The following TBC1D4 variants were observed in gnomAD, a reference collection of about 807,000 sequenced individuals.
TBC1D4 encodes TBC1 domain family member 4, also known as TBC (Tre-2, BUB2, CDC16) domain-containing protein.
TBC1D4 carries 121 observed loss-of-function variants against 142.5 expected under a neutral mutation model. The observed-to-expected ratio is 0.85, with a 90% CI of 0.73 to 0.99. The LOEUF (loss-of-function observed/expected upper bound fraction) is 0.99. Among genes scored for constraint, TBC1D4 ranks in the 50% least tolerant of loss-of-function variants. TBC1D4 has a pLI of 0.00. For synonymous variants in TBC1D4, 630 were observed against 628.2 expected, an observed-to-expected ratio of 1.00 and a Z score of -0.04; for missense variants, 1,475 against 1,606.6, an observed-to-expected ratio of 0.92 and a Z score of 1.40.
intron 1 of TBC1D4, among the ~76,000 whole-genome samples, chr13:75,378,339 T>C (rs1484214312): frequency 6.6e-6 from 1 of 152,154 alleles, no homozygotes; most frequent in East Asian, 1.9e-4. Context: ...TACTCATTCT[T>C]ATGTTGCTTC....
chr13:75,420,088 T>C (rs1354950393), intron 1 of TBC1D4, among the ~76,000 whole-genome samples: 1 of 152,078 alleles, frequency 6.6e-6, no homozygotes, highest in Non-Finnish European at 1.5e-5. Flanking sequence ...AGTACCACAT[T>C]TTGGCAGAGA....
chr13:75,287,402 G>A (rs141244521), intron 20 of TBC1D4, among the ~76,000 whole-genome samples: 131 of 152,212 alleles, frequency 8.6e-4, no homozygotes, highest in African/African-American at 2.8e-3. Context: ...ACTGAAATAC[G>A]GCGTTCTCTA....
intron 1 of TBC1D4, among the ~76,000 whole-genome samples, chr13:75,478,185 T>A (rs1395508544): frequency 1.3e-5 from 2 of 152,190 alleles, no homozygotes; most frequent in Non-Finnish European, 2.9e-5. Context: ...ATTATCATTT[T>A]ATATTAGTAA....
chr13:75,421,303 GGCTT>G, intron 1 of TBC1D4, among the ~76,000 whole-genome samples: 1 of 152,060 alleles, frequency 6.6e-6, no homozygotes, highest in Non-Finnish European at 1.5e-5. Context: ...CACTGAACTT[GGCTT>G]CAGCCTCTCC....
At chr13:75,398,201 G>A (rs1037283116) in intron 1 of TBC1D4, among the ~76,000 whole-genome samples, 1 of 152,212 alleles carries the variant, frequency 6.6e-6, no homozygotes, top group Non-Finnish European at 1.5e-5. Context: ...AATTCAAATT[G>A]CAGGGTACTA....
chr13:75,354,192 A>G (rs943780104), intron 4 of TBC1D4, among the ~76,000 whole-genome samples: 5 of 152,232 alleles, frequency 3.3e-5, no homozygotes, highest in Non-Finnish European at 7.3e-5. Flanking sequence ...ATAACATCAG[A>G]TGAGGCTAGA....
chr13:75,414,544 T>A (rs1347942086), intron 1 of TBC1D4, among the ~76,000 whole-genome samples: 2 of 151,842 alleles, frequency 1.3e-5, no homozygotes, highest in Non-Finnish European at 2.9e-5. Flanking sequence ...AGGAAGAATA[T>A]GGGGGGATGT....
intron 13 of TBC1D4, among the ~76,000 whole-genome samples, chr13:75,311,130 C>T (rs1475050033): frequency 6.6e-6 from 1 of 152,174 alleles, no homozygotes; most frequent in Non-Finnish European, 1.5e-5. Context: ...ATCGCAAGAA[C>T]AAATTGGGAC....
Position 75,286,807 on chromosome 13 carries a change from T to C in TBC1D4, c.3882A>G (p.Ile1294Met), listed in dbSNP as rs902088918. The change falls in exon 21 of 21, where the codon ATA becomes ATG. Residue 1294 changes from isoleucine (I) to methionine (M), a missense_variant. Coordinates refer to ENST00000377636, the MANE Select transcript of TBC1D4 (RefSeq NM_014832.5). ...LNCNPNNKAK[I>M]GNKP ...GCCTCTTCAATTATGGCTTATTTCC[T>C]ATCTTGGCTTTGTTGTTAGGGTTGC... 2.5e-6 allele frequency: 4 copies of C among 1,613,656 alleles called. No homozygotes were observed. In the African/African-American group the frequency reaches 5.3e-5, roughly 22 times the overall value.
chr13:75,326,045 C>A lies in TBC1D4; in HGVS notation c.2033+152G>T, dbSNP rs1241643221. 6.7e-5 allele frequency: 58 copies of A among 863,502 alleles called. 1 individual carries two copies. The highest frequency in any genetic ancestry group is 9.2e-5 in the Non-Finnish European group (49 of 532,890). The allele number at this position is 863,502 out of a possible 1,614,324, so 53.5% of individuals were successfully genotyped here. On this transcript the variant is annotated intron_variant, in intron 10 of 20. Coordinates refer to ENST00000377636, the MANE Select transcript of TBC1D4 (RefSeq NM_014832.5). ...TATGCCTTAACCTTGCCTGTTTCGC[C>A]TAGTAAATGAGGTAACTTAATTTGT...
At chr13:75,391,146 CTT>C (rs1490170311) in intron 1 of TBC1D4, among the ~76,000 whole-genome samples, 1 of 146,482 alleles carries the variant, frequency 6.8e-6, no homozygotes, top group Non-Finnish European at 1.5e-5. Context: ...TCCCCTCTCT[CTT>C]CTACAACATC....
intron 14 of TBC1D4, among the ~76,000 whole-genome samples, chr13:75,307,807 C>T (rs1410495899): frequency 1.3e-5 from 2 of 152,176 alleles, no homozygotes; most frequent in East Asian, 1.9e-4. Flanking sequence ...CCACAGATGG[C>T]TTTCTAACAC....
intron 14 of TBC1D4, among the ~76,000 whole-genome samples, chr13:75,307,378 G>A (rs1013831499): frequency 4.6e-5 from 7 of 151,994 alleles, no homozygotes; most frequent in South Asian, 2.1e-4. Context: ...TAACATATCC[G>A]CCCAGAGCTC....
intron 17 of TBC1D4, among the ~76,000 whole-genome samples, chr13:75,296,717 GA>G (rs1267524817): frequency 6.6e-6 from 1 of 151,482 alleles, no homozygotes; most frequent in Non-Finnish European, 1.5e-5. Context: ...GAGAGAAGAT[GA>G]AAAAAAAGTA....
At chr13:75,433,161 C>T (rs1226707642) in intron 1 of TBC1D4, among the ~76,000 whole-genome samples, 3 of 152,138 alleles carry the variant, frequency 2.0e-5, no homozygotes, top group African/African-American at 7.2e-5. Context: ...TTCTGTCATG[C>T]CATGGTGACC....
intron 18 of TBC1D4, among the ~76,000 whole-genome samples, chr13:75,294,578 T>C (rs1875692026): frequency 6.6e-6 from 1 of 152,198 alleles, no homozygotes; most frequent in East Asian, 1.9e-4. Flanking sequence ...GTATACTCTC[T>C]GATTTTTAGG....
intron 1 of TBC1D4, among the ~76,000 whole-genome samples, chr13:75,413,192 T>A (rs1268417507): frequency 1.3e-5 from 2 of 150,346 alleles, no homozygotes; most frequent in African/African-American, 2.5e-5. Flanking sequence ...TGAGACGGAG[T>A]CTCCCTCTGT....
chr13:75,416,088 A>G (rs549941750), intron 1 of TBC1D4, among the ~76,000 whole-genome samples: 1 of 152,346 alleles, frequency 6.6e-6, no homozygotes, highest in Admixed American at 6.5e-5. Context: ...CAAAACCTCA[A>G]TCTGGAAATC....
At chr13:75,300,714 T>C (rs1382904886) in intron 16 of TBC1D4, among the ~76,000 whole-genome samples, 2 of 152,216 alleles carry the variant, frequency 1.3e-5, no homozygotes, top group Non-Finnish European at 2.9e-5. Flanking sequence ...ATTAACTTGA[T>C]TCTAGCTCCA....
Sources: allele counts gnomAD v4.1 joint callset (sites outside exome capture counted in the v4.1 genomes callset), GRCh38; gene constraint gnomAD v4.1.1; transcripts MANE v1.5; gene names NCBI Gene and HGNC (gene_info 2026-07-23, HGNC 2026-07-21).